The following GALNT11 variants were observed in gnomAD, a reference collection of about 807,000 sequenced individuals.
GALNT11 encodes polypeptide N-acetylgalactosaminyltransferase 11.
GALNT11 carries 47 observed loss-of-function variants against 72.7 expected under a neutral mutation model. That is an observed-to-expected ratio of 0.65 (90% CI 0.51 to 0.82). The LOEUF (loss-of-function observed/expected upper bound fraction) is 0.82, where lower values mean the gene tolerates loss of function less well. GALNT11 is among the 40% of genes least tolerant of loss of function. GALNT11 has a pLI of 0.00. For synonymous variants in GALNT11, 270 were observed against 286.6 expected, an observed-to-expected ratio of 0.94 and a Z score of 0.58; for missense variants, 677 against 778.4, an observed-to-expected ratio of 0.87 and a Z score of 1.55.
chr7:152,117,072 A>T, intron 8 of GALNT11, 85 bp from the exon 9 acceptor site: 1 of 1,162,060 alleles, frequency 8.6e-7, no homozygotes, highest in Non-Finnish European at 1.2e-6. Flanking sequence ...TAATGGACTT[A>T]ATCGTGTAAA....
intron 8 of GALNT11, 48 bp downstream of exon 8, chr7:152,113,446 G>C: frequency 6.3e-7 from 1 of 1,592,802 alleles, no homozygotes; most frequent in Non-Finnish European, 8.6e-7. Context: ...GGCCGGCAGT[G>C]ACTGGCCTAG....
chr7:152,030,418 A>G (rs1373089928), intron 1 of GALNT11, among the ~76,000 whole-genome samples: 2 of 152,182 alleles, frequency 1.3e-5, no homozygotes, highest in African/African-American at 4.8e-5. Context: ...TTGTAGAGTG[A>G]AGATTATTAT....
intron 1 of GALNT11, among the ~76,000 whole-genome samples, chr7:152,082,715 T>A (rs2085391828): frequency 6.6e-6 from 1 of 152,252 alleles, no homozygotes; most frequent in African/African-American, 2.4e-5. Context: ...TATTTATTCC[T>A]AATTAGATGG....
chr7:152,117,435 G>A, intron 9 of GALNT11, 60 bp downstream of exon 9: 2 of 1,533,622 alleles, frequency 1.3e-6, no homozygotes, highest in Non-Finnish European at 1.8e-6. Context: ...AAAGTTTTGA[G>A]GTGTCCATAA....
intron 1 of GALNT11, among the ~76,000 whole-genome samples, chr7:152,040,948 C>G (rs2082827763): frequency 6.6e-6 from 1 of 152,170 alleles, no homozygotes; most frequent in South Asian, 2.1e-4. Context: ...GACTGGTTGT[C>G]CAGCTTTCCT....
At chr7:152,070,082 C>T (rs1323022441) in intron 1 of GALNT11, among the ~76,000 whole-genome samples, 9 of 151,020 alleles carry the variant, frequency 6.0e-5, no homozygotes, top group Admixed American at 3.3e-4. Flanking sequence ...CTGCAAGCTC[C>T]GCCTCCCGGG....
At chr7:152,114,691 C>G (rs1458096620) in intron 8 of GALNT11, among the ~76,000 whole-genome samples, 1 of 152,072 alleles carries the variant, frequency 6.6e-6, no homozygotes, top group Non-Finnish European at 1.5e-5. Flanking sequence ...CTCAGCCTCC[C>G]GAGTAGCTGG....
At chr7:152,046,053 T>C (rs1268716085) in intron 1 of GALNT11, among the ~76,000 whole-genome samples, 1 of 152,192 alleles carries the variant, frequency 6.6e-6, no homozygotes, top group East Asian at 1.9e-4. Context: ...GACCCACTGG[T>C]CATTCAGGTG....
chr7:152,098,500 A>G (rs1753669540), intron 2 of GALNT11, among the ~76,000 whole-genome samples: 2 of 152,168 alleles, frequency 1.3e-5, no homozygotes, highest in African/African-American at 2.4e-5. Flanking sequence ...TAATTATAAA[A>G]TTAATTGAAA....
intron 1 of GALNT11, among the ~76,000 whole-genome samples, chr7:152,044,401 T>A (rs2152015774): frequency 6.6e-6 from 1 of 152,306 alleles, no homozygotes; most frequent in South Asian, 2.1e-4. Flanking sequence ...TTCCTTGCCC[T>A]CATTCTGGTA....
At chr7:152,084,303 G>T (rs1294669917) in intron 1 of GALNT11, among the ~76,000 whole-genome samples, 1 of 150,144 alleles carries the variant, frequency 6.7e-6, no homozygotes, top group Non-Finnish European at 1.5e-5. Flanking sequence ...TATTCAGGAG[G>T]CTGAGAGGAT....
At chr7:152,107,912 C>T (rs2087759342) in intron 5 of GALNT11, 126 bp from the exon 6 acceptor site, 5 of 1,122,084 alleles carry the variant, frequency 4.5e-6, no homozygotes, top group South Asian at 3.0e-5. Flanking sequence ...GCAGTTAGGC[C>T]GTCTGGGGCT....
At chr7:152,082,460 G>A (rs569540680) in intron 1 of GALNT11, among the ~76,000 whole-genome samples, 2 of 152,346 alleles carry the variant, frequency 1.3e-5, no homozygotes, top group South Asian at 2.1e-4. Context: ...AAAGGCAGAG[G>A]AGAACAAAGG....
intron 1 of GALNT11, among the ~76,000 whole-genome samples, chr7:152,040,725 A>G (rs1333672160): frequency 6.6e-6 from 1 of 152,240 alleles, no homozygotes; most frequent in Non-Finnish European, 1.5e-5. Context: ...TAAAGAATCA[A>G]ATCACATTAA....
intron 1 of GALNT11, among the ~76,000 whole-genome samples, chr7:152,078,727 A>T (rs370935275): frequency 5.3e-5 from 8 of 152,214 alleles, no homozygotes; most frequent in Non-Finnish European, 8.8e-5. Flanking sequence ...TTTTTCTAAC[A>T]AGTGATGAAT....
chr7:152,098,969 A>G (rs1222075119), intron 2 of GALNT11, among the ~76,000 whole-genome samples: 1 of 152,012 alleles, frequency 6.6e-6, no homozygotes, highest in Non-Finnish European at 1.5e-5. Flanking sequence ...TTTGAGACAG[A>G]GTTTTGCTTT....
chr7:152,072,879 C>G (rs2084741230), intron 1 of GALNT11, among the ~76,000 whole-genome samples: 1 of 152,188 alleles, frequency 6.6e-6, no homozygotes, highest in African/African-American at 2.4e-5. Context: ...ACGGGCACCA[C>G]CCTTTCTGCA....
intron 1 of GALNT11, among the ~76,000 whole-genome samples, chr7:152,030,682 CTCT>C (rs966908283): frequency 1.3e-5 from 2 of 151,608 alleles, no homozygotes; most frequent in Non-Finnish European, 2.9e-5. Flanking sequence ...CTTTGTCTGT[CTCT>C]TCCTCTCTCT....
At chr7:152,109,170 CCA>C (rs2087910680) in intron 6 of GALNT11, among the ~76,000 whole-genome samples, 2 of 152,356 alleles carry the variant, frequency 1.3e-5, no homozygotes, top group East Asian at 1.9e-4. Context: ...GGGATTGCTC[CCA>C]CACTCTTAGT....
Sources: allele counts gnomAD v4.1 joint callset (sites outside exome capture counted in the v4.1 genomes callset), GRCh38; gene constraint gnomAD v4.1.1; transcripts MANE v1.5; gene names NCBI Gene and HGNC (gene_info 2026-07-23, HGNC 2026-07-21).